Variants in ATP2B1 observed in about 807,000 individuals in gnomAD.
ATP2B1 encodes ATPase plasma membrane Ca2+ transporting 1, also known as plasma membrane calcium-transporting ATPase 1.
Under a neutral mutation model 124.2 loss-of-function variants are expected in ATP2B1, and 14 were observed. The observed-to-expected ratio is 0.11, with a 90% CI of 0.07 to 0.18. The LOEUF (loss-of-function observed/expected upper bound fraction) is 0.18, where lower values mean the gene tolerates loss of function less well. Among genes scored for constraint, ATP2B1 ranks in the 10% least tolerant of loss-of-function variants. The probability of loss-of-function intolerance (pLI) is 1.00; values close to 1 mark genes in which losing one functional copy is unlikely to be tolerated. For missense variants in ATP2B1, 763 were observed against 1,466.1 expected (o/e 0.52, Z 7.83); for synonymous variants, 449 against 492.4 (o/e 0.91, Z 1.17).
chr12:89,673,430 T>A (rs1888233444), intron 1 of ATP2B1, among the ~76,000 whole-genome samples: 1 of 152,184 alleles, frequency 6.6e-6, no homozygotes. Context: ...TTTCCCAATA[T>A]CCAATAAGTA....
intron 12 of ATP2B1, among the ~76,000 whole-genome samples, chr12:89,616,042 C>T (rs1047416715): frequency 2.0e-5 from 3 of 152,102 alleles, no homozygotes; most frequent in Non-Finnish European, 4.4e-5. Flanking sequence ...AACTCGTGTT[C>T]TCTGCTCATA....
At chr12:89,622,968 CTA>C (rs1311904865) in intron 9 of ATP2B1, among the ~76,000 whole-genome samples, 4 of 152,096 alleles carry the variant, frequency 2.6e-5, no homozygotes, top group African/African-American at 9.7e-5. Context: ...AATGACTGTT[CTA>C]TGTGTCCAAA....
At chr12:89,628,722 T>C (rs1881346300) in intron 6 of ATP2B1, among the ~76,000 whole-genome samples, 1 of 152,214 alleles carries the variant, frequency 6.6e-6, no homozygotes, top group Non-Finnish European at 1.5e-5. Flanking sequence ...CTAGCTTCTT[T>C]ATCGAGGAGA....
chr12:89,635,640 C>T (rs951047787), intron 3 of ATP2B1, among the ~76,000 whole-genome samples: 5 of 152,164 alleles, frequency 3.3e-5, no homozygotes, highest in African/African-American at 1.2e-4. Flanking sequence ...GTAGGTACAG[C>T]AGTGGCTAAG....
intron 1 of ATP2B1, among the ~76,000 whole-genome samples, chr12:89,702,438 AG>A (rs1891964322): frequency 6.6e-6 from 1 of 152,254 alleles, no homozygotes; most frequent in Non-Finnish European, 1.5e-5. Context: ...AGATTAAAGC[AG>A]CAGATCTGAG....
At position 89,647,012 on chromosome 12, in the gene ATP2B1, A is replaced by C. The variant is rs527731203; in HGVS notation, c.209-4657T>G. Among the ~76,000 whole-genome samples, 18 of 152,328 alleles carry C rather than the reference A, an allele frequency of 1.2e-4. 1 individual carries two copies. The East Asian group carries it at 3.5e-3, about 29-fold the overall frequency. On this transcript the variant is annotated intron_variant, in intron 2 of 20. Coordinates refer to ENST00000428670, the MANE Select transcript of ATP2B1 (RefSeq NM_001366521.1). ...GTTTGTCTAATACAGATGCAGGAGG[A>C]GGCTTCTACTGTAAGGAGGGAGAAA... is the stretch of plus-strand genomic sequence containing the variant.
rs1879734988 is a variant in ATP2B1, at chr12:89,620,222, C to T, written c.1606G>A (p.Gly536Arg). 6.2e-7 allele frequency: 1 copy of T among 1,613,830 alleles called. No homozygotes were observed. Among genetic ancestry groups the T allele is most frequent in the Non-Finnish European group, 8.5e-7 (1 of 1,179,908 alleles). ...SKILPPEKEG[G>R]LPRHVGNKTE... ...TTATTACCAACGTGACGAGGTAATC[C>T]ACCCTCTTTCTCTGGTGGCTATAAG... The change falls in exon 11 of 21, where the codon GGA (glycine) becomes AGA (arginine). Residue 536 changes from glycine (G) to arginine (R), a missense_variant. Physicochemically the swap from Gly to Arg is moderately radical, Grantham distance 125. Around this residue, in one of 7 missense-constraint regions of ATP2B1, gnomAD observed 392 missense variants for 776.6 expected, o/e 0.50. Transcript: ENST00000428670.
chr12:89,664,529 ATT>A (rs1191676498), intron 1 of ATP2B1, among the ~76,000 whole-genome samples: 2 of 152,330 alleles, frequency 1.3e-5, no homozygotes, highest in Non-Finnish European at 2.9e-5. Context: ...ATCCCTCTGA[ATT>A]TACCAAAACC....
intron 1 of ATP2B1, among the ~76,000 whole-genome samples, chr12:89,695,478 G>GA (rs779494323): frequency 2.0e-5 from 3 of 151,750 alleles, no homozygotes; most frequent in Admixed American, 2.0e-4. Flanking sequence ...TTAAAAAAAA[G>GA]AAAAAAATTC....
At chr12:89,683,359 T>C (rs546005449) in intron 1 of ATP2B1, among the ~76,000 whole-genome samples, 1 of 152,302 alleles carries the variant, frequency 6.6e-6, no homozygotes, top group East Asian at 1.9e-4. Context: ...AGAAGCAACA[T>C]TATGGGACTT....
At chr12:89,684,185 T>C (rs1191331868) in intron 1 of ATP2B1, among the ~76,000 whole-genome samples, 1 of 152,070 alleles carries the variant, frequency 6.6e-6, no homozygotes, top group Admixed American at 6.6e-5. Flanking sequence ...ACATGAAAAT[T>C]GGTTACTTAC....
chr12:89,614,130 T>A (rs1878529663), intron 12 of ATP2B1, among the ~76,000 whole-genome samples: 1 of 152,198 alleles, frequency 6.6e-6, no homozygotes, highest in Non-Finnish European at 1.5e-5. Context: ...GCAGATACCC[T>A]GATTTCATGT....
intron 1 of ATP2B1, among the ~76,000 whole-genome samples, chr12:89,679,048 T>C (rs1040366622): frequency 2.6e-5 from 4 of 151,936 alleles, no homozygotes; most frequent in Non-Finnish European, 4.4e-5. Context: ...CAAAGCTACT[T>C]AAGGCATTAA....
intron 5 of ATP2B1, among the ~76,000 whole-genome samples, chr12:89,633,027 T>C (rs1882119404): frequency 6.6e-6 from 1 of 152,172 alleles, no homozygotes; most frequent in African/African-American, 2.4e-5. Context: ...GAGACTATCT[T>C]AGTTTGTTAC....
chr12:89,701,909 A>C (rs766906827), intron 1 of ATP2B1, among the ~76,000 whole-genome samples: 23 of 152,168 alleles, frequency 1.5e-4, no homozygotes, highest in Non-Finnish European at 2.9e-4. Flanking sequence ...AGGATGAGGG[A>C]CCACCAGACT....
At chr12:89,642,498 C>T in intron 2 of ATP2B1, 143 bp from the exon 3 acceptor site, 2 of 803,942 alleles carry the variant, frequency 2.5e-6, no homozygotes, top group Non-Finnish European at 1.9e-6. Context: ...GAATTTAAAT[C>T]ACTGAAAAAC....
chr12:89,611,456 AT>A, intron 12 of ATP2B1, 84 bp from the exon 13 acceptor site: 1 of 1,120,842 alleles, frequency 8.9e-7, no homozygotes, highest in Non-Finnish European at 1.2e-6. Context: ...GACTGCATTA[AT>A]TTATAGTCCC....
At chr12:89,697,000 T>TC (rs1287035032) in intron 1 of ATP2B1, among the ~76,000 whole-genome samples, 21 of 151,422 alleles carry the variant, frequency 1.4e-4, no homozygotes, top group African/African-American at 4.8e-4. Flanking sequence ...GTTTTTTTTT[T>TC]CACCCTCTAA....
intron 19 of ATP2B1, among the ~76,000 whole-genome samples, chr12:89,600,555 T>C (rs1875591141): frequency 2.0e-5 from 3 of 152,282 alleles, no homozygotes; most frequent in East Asian, 3.9e-4. Context: ...TGACCCCTTT[T>C]TCCAGGTAAC....
Sources: allele counts gnomAD v4.1 joint callset (sites outside exome capture counted in the v4.1 genomes callset), GRCh38; gene constraint gnomAD v4.1.1; regional missense constraint gnomAD v4.1.1; transcripts MANE v1.5; gene names NCBI Gene and HGNC (gene_info 2026-07-23, HGNC 2026-07-21).